The following LRRC4C variants were observed in gnomAD, a reference collection of about 807,000 sequenced individuals.
The protein encoded by LRRC4C is leucine rich repeat containing 4C, also known as leucine-rich repeat-containing protein 4C.
In LRRC4C, 5 loss-of-function variants were observed where a neutral mutation model predicts 33.6. That is an observed-to-expected ratio of 0.15 (90% confidence interval 0.08 to 0.31). LRRC4C has a LOEUF of 0.31. LRRC4C is among the 10% of genes least tolerant of loss of function. The pLI is 1.00. For synonymous variants in LRRC4C, 329 were observed against 302.0 expected, an observed-to-expected ratio of 1.09 and a Z score of -0.93; for missense variants, 560 against 796.7, an observed-to-expected ratio of 0.70 and a Z score of 3.58.
intron 3 of LRRC4C, among the ~76,000 whole-genome samples, chr11:40,498,735 T>C (rs1311675833): frequency 6.6e-6 from 1 of 152,176 alleles, no homozygotes; most frequent in Non-Finnish European, 1.5e-5. Flanking sequence ...TGATTATGTC[T>C]TAGATGCTTA....
intron 5 of LRRC4C, among the ~76,000 whole-genome samples, chr11:40,167,151 C>T (rs1859661760): frequency 6.6e-6 from 1 of 152,178 alleles, no homozygotes; most frequent in Non-Finnish European, 1.5e-5. Flanking sequence ...GGACTTTCCA[C>T]ACTGTGTAGC....
intron 1 of LRRC4C, among the ~76,000 whole-genome samples, chr11:41,427,670 T>A (rs1955087825): frequency 6.6e-6 from 1 of 152,130 alleles, no homozygotes. Context: ...AAAAGGAAAG[T>A]GTCCGGCCTC....
intron 3 of LRRC4C, among the ~76,000 whole-genome samples, chr11:40,548,815 C>T (rs536523649): frequency 1.6e-4 from 24 of 152,140 alleles, no homozygotes; most frequent in Middle Eastern, 3.4e-3. Context: ...ATAAGAAAAA[C>T]GTGAGTAGGC....
intron 1 of LRRC4C, among the ~76,000 whole-genome samples, chr11:41,327,754 T>C (rs1451594866): frequency 6.6e-6 from 1 of 152,072 alleles, no homozygotes; most frequent in African/African-American, 2.4e-5. Context: ...CTCATGAAAG[T>C]GAATAAGTGT....
In LRRC4C at chr11:41,374,484, G is replaced by T. The variant is rs1371993058; in HGVS notation, c.-496+84947C>A. Among the ~76,000 whole-genome samples the T allele has an allele frequency of 2.6e-5, 4 of 152,042 alleles. No homozygotes were observed. In the East Asian group the frequency reaches 7.7e-4, roughly 29 times the overall value. On this transcript the variant is annotated intron_variant, in intron 1 of 6. Coordinates refer to ENST00000528697, the MANE Select transcript of LRRC4C (RefSeq NM_001258419.2). ...AGAGTAACAAGTTAAATAATACCAAGAAAAAATAGTCAAATAAATGTAGAA... is the reference window on the plus strand; with the variant it reads ...AGAGTAACAAGTTAAATAATACCAATAAAAAATAGTCAAATAAATGTAGAA...
At chr11:40,820,501 A>C (rs913411146) in intron 2 of LRRC4C, among the ~76,000 whole-genome samples, 1 of 151,934 alleles carries the variant, frequency 6.6e-6, no homozygotes, top group African/African-American at 2.4e-5. Flanking sequence ...CATTACATTC[A>C]TTATAAAGTG....
chr11:40,304,051 A>G (rs1944909211), intron 4 of LRRC4C, among the ~76,000 whole-genome samples: 1 of 152,216 alleles, frequency 6.6e-6, no homozygotes, highest in African/African-American at 2.4e-5. Flanking sequence ...CTTTTGCAGT[A>G]AAATACAACA....
intron 1 of LRRC4C, among the ~76,000 whole-genome samples, chr11:40,936,106 G>A (rs866748893): frequency 1.5e-4 from 20 of 132,688 alleles, no homozygotes; most frequent in African/African-American, 5.5e-4. Context: ...GAAAAAATGT[G>A]TATTGCAATG....
intron 2 of LRRC4C, among the ~76,000 whole-genome samples, chr11:40,728,295 GTA>G: frequency 6.6e-6 from 1 of 151,970 alleles, no homozygotes; most frequent in African/African-American, 2.4e-5. Context: ...CCATTACTGG[GTA>G]TATGTCAAAA....
intron 1 of LRRC4C, among the ~76,000 whole-genome samples, chr11:41,354,726 T>C (rs888023759): frequency 2.6e-5 from 4 of 151,972 alleles, no homozygotes; most frequent in African/African-American, 9.7e-5. Flanking sequence ...CCATCTAATC[T>C]TCAACAAAGT....
At position 40,759,177 on chromosome 11, in the gene LRRC4C, A is replaced by G. The variant is rs560294377; in HGVS notation, c.-406-110899T>C. Among the ~76,000 whole-genome samples the G allele has an allele frequency of 9.2e-3, 1,353 of 146,986 alleles. 23 individuals are homozygous for G. Among genetic ancestry groups the G allele is most frequent in the African/African-American group, 0.032 (1,280 of 40,512 alleles). ...ATGTAAAACTAACCATTACACTCAT[A>G]TATGAGGAATATATATAATTATATA... On this transcript the variant is annotated intron_variant, in intron 2 of 6. Coordinates refer to ENST00000528697, the MANE Select transcript of LRRC4C (RefSeq NM_001258419.2).
intron 1 of LRRC4C, among the ~76,000 whole-genome samples, chr11:41,218,691 G>T (rs898398286): frequency 2.7e-5 from 4 of 150,646 alleles, no homozygotes; most frequent in Non-Finnish European, 5.9e-5. Flanking sequence ...AATAATAATA[G>T]ATTCTATGTT....
intron 1 of LRRC4C, among the ~76,000 whole-genome samples, chr11:41,432,985 T>C (rs1414631237): frequency 1.3e-5 from 2 of 152,120 alleles, no homozygotes; most frequent in African/African-American, 4.8e-5. Flanking sequence ...AAATGTTGCA[T>C]AGAGACAAAG....
chr11:40,852,549 T>G (rs1339665661), intron 2 of LRRC4C, among the ~76,000 whole-genome samples: 1 of 152,178 alleles, frequency 6.6e-6, no homozygotes, highest in Non-Finnish European at 1.5e-5. Flanking sequence ...CTTCTTGTTT[T>G]GTATTGTTTT....
chr11:40,598,787 G>A (rs552397019), intron 3 of LRRC4C, among the ~76,000 whole-genome samples: 10 of 152,184 alleles, frequency 6.6e-5, no homozygotes, highest in Non-Finnish European at 1.2e-4. Context: ...ATTTTGCTCC[G>A]GACTTGTGGA....
At chr11:40,231,756 C>T (rs990619620) in intron 5 of LRRC4C, among the ~76,000 whole-genome samples, 2 of 152,164 alleles carry the variant, frequency 1.3e-5, no homozygotes, top group African/African-American at 2.4e-5. Flanking sequence ...TGTATACACA[C>T]ATACATATTT....
intron 3 of LRRC4C, among the ~76,000 whole-genome samples, chr11:40,436,680 A>G (rs1951152958): frequency 1.3e-5 from 2 of 152,198 alleles, no homozygotes; most frequent in Admixed American, 1.3e-4. Flanking sequence ...GAATGGGAAG[A>G]GGCTGAGATG....
intron 1 of LRRC4C, among the ~76,000 whole-genome samples, chr11:41,161,722 T>C (rs1378220671): frequency 6.6e-6 from 1 of 152,224 alleles, no homozygotes; most frequent in Non-Finnish European, 1.5e-5. Context: ...CAGTTCATCT[T>C]ATGTGCATGT....
At chr11:40,542,923 A>G (rs1023723256) in intron 3 of LRRC4C, among the ~76,000 whole-genome samples, 10 of 152,146 alleles carry the variant, frequency 6.6e-5, no homozygotes, top group Non-Finnish European at 1.3e-4. Flanking sequence ...TGACAGTTAC[A>G]TTTTACACAT....
Sources: allele counts gnomAD v4.1 joint callset (sites outside exome capture counted in the v4.1 genomes callset), GRCh38; gene constraint gnomAD v4.1.1; transcripts MANE v1.5; gene names NCBI Gene and HGNC (gene_info 2026-07-23, HGNC 2026-07-21).